FAT4: variants seen among roughly 807,000 people sequenced by gnomAD.
The protein encoded by FAT4 is protocadherin Fat 4.
In FAT4, 84 loss-of-function variants were observed where a neutral mutation model predicts 303.9. That is an observed-to-expected ratio of 0.28 (90% CI 0.23 to 0.33). The LOEUF is 0.33. FAT4 is among the 10% of genes least tolerant of loss of function. FAT4 has a pLI of 1.00. For synonymous variants in FAT4, 2,307 were observed against 2,298.8 expected (o/e 1.00, Z -0.10); for missense variants, 6,005 against 6,146.8 (o/e 0.98, Z 0.77).
At chr4:125,410,181 T>C (rs918463660) in intron 5 of FAT4, among the ~76,000 whole-genome samples, 1 of 152,172 alleles carries the variant, frequency 6.6e-6, no homozygotes, top group African/African-American at 2.4e-5. Flanking sequence ...CCTCCTCTAA[T>C]TTAAGTGCAG....
At position 125,316,047 on chromosome 4, in the gene FAT4, C is replaced by T. The variant is rs574901215; in HGVS notation, c.-13+70C>T. 1.3e-5 allele frequency among the ~76,000 whole-genome samples: 2 copies of T among 152,170 alleles called. No homozygotes were observed. The highest frequency in any genetic ancestry group is 2.1e-4 in the South Asian group (1 of 4,832). ...CATATACCTTAGATACAGGCAACTT[C>T]TCCCAACTCTCATCCACCCGGGTGA... On this transcript the variant is annotated intron_variant, in intron 1 of 17. Coordinates refer to ENST00000394329, the MANE Select transcript of FAT4 (RefSeq NM_001291303.3). This position sits in a 1 kb window ranked among gnomAD's most constrained non-coding sequence, Gnocchi z 5.7.
chr4:125,434,004 G>A (rs575292442), intron 7 of FAT4, among the ~76,000 whole-genome samples: 1 of 152,110 alleles, frequency 6.6e-6, no homozygotes, highest in East Asian at 1.9e-4. Context: ...CTTTAAAATA[G>A]AATAAGAGCA....
Position 125,481,814 on chromosome 4 carries a change from A to T in FAT4, c.12822+76A>T, listed in dbSNP as rs562763449. On this transcript the variant is annotated intron_variant, in intron 16 of 17. Transcript: ENST00000394329. ...AGTGGTTTAAATCACTTCCCCCATA[A>T]TTTCTGTCCTTTTCTTTACAACCCA... 3 of 1,293,240 alleles carry T rather than the reference A, an allele frequency of 2.3e-6. No homozygotes were observed. In the African/African-American group the frequency reaches 4.4e-5, roughly 19 times the overall value. 80.1% of individuals were successfully genotyped at this position (1,293,240 alleles called of 1,614,324 possible). A position where few individuals can be genotyped will look rare whatever the true frequency, so the allele number is the denominator to read the frequency against.
chr4:125,449,492 G>T lies in FAT4; in HGVS notation c.8482G>T (p.Asp2828Tyr), dbSNP rs12508222. The change falls in exon 10 of 18, where the codon GAT becomes TAT. Residue 2828 changes from aspartate (D) to tyrosine (Y), a missense_variant. Coordinates refer to ENST00000394329, the MANE Select transcript of FAT4 (RefSeq NM_001291303.3). ...LPFTINPSTG[D>Y]IVISRPLNRE... is the part of the protein sequence containing the mutation. ...ATTTACAATTAATCCCAGCACAGGGGATATTGTCATAAGCAGACCTTTAAA... is the reference window on the plus strand; with the variant it reads ...ATTTACAATTAATCCCAGCACAGGGTATATTGTCATAAGCAGACCTTTAAA... The T allele has an allele frequency of 1.1e-5, 18 of 1,613,684 alleles. No homozygotes were observed. The highest frequency in any genetic ancestry group is 8.8e-5 in the South Asian group (8 of 91,074).
chr4:125,431,712 G>A, intron 7 of FAT4, among the ~76,000 whole-genome samples: 1 of 152,072 alleles, frequency 6.6e-6, no homozygotes, highest in East Asian at 1.9e-4. Context: ...TGAAATATCA[G>A]TAAAAGAGAT....
intron 2 of FAT4, among the ~76,000 whole-genome samples, chr4:125,377,476 A>G (rs776052224): frequency 2.0e-5 from 3 of 152,108 alleles, no homozygotes; most frequent in Non-Finnish European, 4.4e-5. Context: ...CTAGACCCCA[A>G]ACAAGTCAGT....
At chr4:125,487,674 C>A in intron 17 of FAT4, 68 bp downstream of exon 17, 2 of 1,449,244 alleles carry the variant, frequency 1.4e-6, no homozygotes, top group South Asian at 2.9e-5. Flanking sequence ...ATTGCTTTTT[C>A]TTGTGGCAAG....
chr4:125,437,858 G>A (rs927991838), intron 8 of FAT4, among the ~76,000 whole-genome samples: 3 of 152,110 alleles, frequency 2.0e-5, no homozygotes, highest in Non-Finnish European at 4.4e-5. Context: ...GTTTTCAGTG[G>A]ATTAAGCAGA....
At position 125,472,873 on chromosome 4, in the gene FAT4, T is replaced by A. The variant is rs1726911277; in HGVS notation, c.12214-3298T>A. The stretch of plus-strand genomic sequence containing the variant: ...ATCCATCAAACTGCATTCAGGGTCC[T>A]ACCAGGTTATTAAATGTATGTTACT... On this transcript the variant is annotated intron_variant, in intron 12 of 17. Transcript: ENST00000394329. 4.6e-5 allele frequency among the ~76,000 whole-genome samples: 7 copies of A among 152,338 alleles called. No homozygotes were observed. In the South Asian group the frequency reaches 1.4e-3, roughly 32 times the overall value.
At chr4:125,321,737 G>C in intron 2 of FAT4, 151 bp downstream of exon 2, 2 of 782,820 alleles carry the variant, frequency 2.6e-6, no homozygotes, top group Non-Finnish European at 3.8e-6. Flanking sequence ...AAGGCTAACA[G>C]AGAGTTACAT....
intron 16 of FAT4, among the ~76,000 whole-genome samples, chr4:125,485,760 C>T (rs1379007033): frequency 2.6e-5 from 4 of 152,102 alleles, no homozygotes. Flanking sequence ...ATGTGATATA[C>T]TTTTATACAA....
chr4:125,451,287 C>T lies in FAT4; in HGVS notation c.10277C>T (p.Thr3426Ile), dbSNP rs1232281348. Residue 3426 changes from threonine to isoleucine, a missense_variant, in exon 10 of 18, where the codon ACC becomes ATC. Thr to Ile is a moderately conservative substitution (Grantham distance 89). Transcript: ENST00000394329. ...SEGVPIGTHV[T>I]FVSAFDSDSI... ...GGGGTCCCAATAGGAACTCATGTGA[C>T]CTTTGTCAGTGCCTTTGACTCAGAC... 6.2e-7 allele frequency: 1 copy of T among 1,614,092 alleles called. No individual in the cohort carries two copies. The highest frequency in any genetic ancestry group is 8.5e-7 in the Non-Finnish European group (1 of 1,180,004).
chr4:125,329,414 C>T (rs913426358), intron 2 of FAT4, among the ~76,000 whole-genome samples: 4 of 152,234 alleles, frequency 2.6e-5, no homozygotes, highest in Non-Finnish European at 4.4e-5. Flanking sequence ...GGTTGGCTTC[C>T]GAGTCATCAT....
chr4:125,317,371 G>A lies in FAT4; in HGVS notation c.960G>A (p.Ser320=), dbSNP rs1057523940. 3.1e-6 allele frequency: 5 copies of A among 1,613,278 alleles called. No individual in the cohort carries two copies. In the African/African-American group the frequency reaches 6.7e-5, roughly 22 times the overall value. ...ACTTCGAAGCTCGGCGCCAATACTCGCTTACGGTGCAGGCGATGGACAGAG... is the reference window on the plus strand; with the variant it reads ...ACTTCGAAGCTCGGCGCCAATACTCACTTACGGTGCAGGCGATGGACAGAG... ...PLDFEARRQY[S]LTVQAMDRGV... is the part of the protein sequence containing the mutation. The change falls in exon 2 of 18, where the codon TCG becomes TCA. Residue 320 remains serine (S), a synonymous_variant. Transcript: ENST00000394329. The surrounding 1 kb of genome is among the most constrained non-coding windows in gnomAD (Gnocchi z 7.0).
chr4:125,464,509 G>C (rs1726591344), intron 11 of FAT4, among the ~76,000 whole-genome samples: 1 of 148,002 alleles, frequency 6.8e-6, no homozygotes, highest in South Asian at 2.1e-4. Context: ...TGTCCCCTTT[G>C]TATATCTATT....
intron 2 of FAT4, among the ~76,000 whole-genome samples, chr4:125,326,605 T>A (rs999570353): frequency 1.3e-5 from 2 of 152,166 alleles, no homozygotes; most frequent in Non-Finnish European, 2.9e-5. Flanking sequence ...AACTTCACAA[T>A]GCATCCTCAT....
chr4:125,490,292 T>C lies in FAT4; in HGVS notation c.13476T>C (p.Val4492=), dbSNP rs769804146. Residue 4492 remains valine (V), a synonymous_variant, in exon 18 of 18, where the codon GTT becomes GTC. Coordinates refer to ENST00000394329, the MANE Select transcript of FAT4 (RefSeq NM_001291303.3). ...GAAGTCCTGCGGGGCATGTCTGTGTTCTGAGTCAGGGCCCTGAAGAGATCT... is the reference window on the plus strand; with the variant it reads ...GAAGTCCTGCGGGGCATGTCTGTGTCCTGAGTCAGGGCCCTGAAGAGATCT... ...KAGSPAGHVC[V]LSQGPEEISL... 1.2e-6 allele frequency: 2 copies of C among 1,614,086 alleles called. No individual in the cohort carries two copies. Among genetic ancestry groups the C allele is most frequent in the Admixed American group, 3.3e-5 (2 of 60,022 alleles).
chr4:125,368,049 A>T (rs1732952802), intron 2 of FAT4, among the ~76,000 whole-genome samples: 1 of 152,088 alleles, frequency 6.6e-6, no homozygotes, highest in South Asian at 2.1e-4. Context: ...TAGGCAATTT[A>T]GTATTTGTTA....
At chr4:125,365,164 G>C (rs1457458370) in intron 2 of FAT4, among the ~76,000 whole-genome samples, 1 of 152,190 alleles carries the variant, frequency 6.6e-6, no homozygotes, top group Non-Finnish European at 1.5e-5. Context: ...GGGAATACCG[G>C]ATGAGGAGTC....
Sources: gnomAD v4.1 joint callset for allele counts (sites outside exome capture counted in the v4.1 genomes callset) on GRCh38, gnomAD v4.1.1 for gene constraint, Gnocchi (gnomAD v3.1) non-coding constraint, MANE v1.5 for transcripts, NCBI Gene and HGNC (gene_info 2026-07-23, HGNC 2026-07-21) for gene names.